The following GPBP1 variants were observed in gnomAD, a reference collection of about 807,000 sequenced individuals.
GPBP1 encodes vasculin.
In GPBP1, 13 loss-of-function variants were observed where a neutral mutation model predicts 56.5. That is an observed-to-expected ratio of 0.23 (90% CI 0.15 to 0.37). The LOEUF is 0.37. Among genes scored for constraint, GPBP1 ranks in the 10% least tolerant of loss-of-function variants. The probability of loss-of-function intolerance (pLI) is 1.00; values close to 1 mark genes in which losing one functional copy is unlikely to be tolerated. For synonymous variants in GPBP1, 204 were observed against 188.9 expected (o/e 1.08, Z -0.66); for missense variants, 477 against 572.3 (o/e 0.83, Z 1.70).
intron 6 of GPBP1, among the ~76,000 whole-genome samples, chr5:57,238,414 C>T (rs1265877486): frequency 2.6e-5 from 4 of 152,006 alleles, no homozygotes; most frequent in Admixed American, 6.6e-5. Context: ...AAGAATTAGC[C>T]GGGTGTGGTG....
intron 2 of GPBP1, among the ~76,000 whole-genome samples, chr5:57,199,157 A>G (rs1461335179): frequency 6.6e-6 from 1 of 152,202 alleles, no homozygotes; most frequent in Admixed American, 6.5e-5. Context: ...CACAATATTT[A>G]TGTTCTTTTA....
chr5:57,196,210 C>T (rs1332765949), intron 2 of GPBP1, among the ~76,000 whole-genome samples: 3 of 151,716 alleles, frequency 2.0e-5, no homozygotes, highest in East Asian at 1.9e-4. Flanking sequence ...TCTTTTTGGC[C>T]AGGCTGGTCT....
chr5:57,178,035 G>C (rs1301788623), intron 2 of GPBP1, among the ~76,000 whole-genome samples: 1 of 152,066 alleles, frequency 6.6e-6, no homozygotes, highest in African/African-American at 2.4e-5. Flanking sequence ...TGTCAGACCT[G>C]TGTGTAGTAA....
At chr5:57,237,486 G>T in intron 6 of GPBP1, 2 of 269,192 alleles carry the variant, frequency 7.4e-6, no homozygotes, top group Non-Finnish European at 1.4e-5. Context: ...TTGGTCTAAG[G>T]ATTTTGAGTA....
At chr5:57,183,623 C>T (rs1306608265) in intron 2 of GPBP1, among the ~76,000 whole-genome samples, 3 of 151,920 alleles carry the variant, frequency 2.0e-5, no homozygotes, top group Admixed American at 2.0e-4. Context: ...AGCCTATGCA[C>T]CAAACAAGAA....
intron 2 of GPBP1, among the ~76,000 whole-genome samples, chr5:57,212,672 CTTT>C (rs550327781): frequency 1.4e-5 from 2 of 139,732 alleles, no homozygotes; most frequent in African/African-American, 2.6e-5. Context: ...TTCTTTTTTT[CTTT>C]TTTTTTTTTT....
chr5:57,224,612 A>T (rs903695937), intron 3 of GPBP1, among the ~76,000 whole-genome samples: 1 of 151,918 alleles, frequency 6.6e-6, no homozygotes, highest in Non-Finnish European at 1.5e-5. Flanking sequence ...TGCCCAGCTA[A>T]TTTTTTTGTA....
Position 57,214,084 on chromosome 5 carries a change from T to G in GPBP1, c.-47T>G. ...ATTTTTATGTGACAGGGACTTGCCA[T>G]GAGGTGTTGAAGCCTTGTTTCACTG... On this transcript the variant is annotated 5_prime_UTR_variant, in exon 3 of 12. The change abolishes an upstream ATG in the 5' untranslated region. Transcript: ENST00000506184. 2.8e-5 allele frequency: 42 copies of G among 1,493,816 alleles called. No homozygotes were observed. The highest frequency in any genetic ancestry group is 1.7e-4 in the Middle Eastern group (1 of 5,830). The allele number at this position is 1,493,816 out of a possible 1,614,324, so 92.5% of individuals were successfully genotyped here.
In GPBP1 at chr5:57,251,159, C is replaced by A; in HGVS notation, c.1160+18C>A. Reference sequence around the variant, plus strand: ...GAACACAGGCTAGTATTTGTTTGTACTTTTTGCTCAGCATTTTCTGTATTC... The same window carrying A: ...GAACACAGGCTAGTATTTGTTTGTAATTTTTGCTCAGCATTTTCTGTATTC... On this transcript the variant is annotated intron_variant, in intron 10 of 11. Coordinates refer to ENST00000506184, the MANE Select transcript of GPBP1 (RefSeq NM_022913.4). 6.4e-7 allele frequency: 1 copy of A among 1,557,156 alleles called. No homozygotes were observed. Among genetic ancestry groups the A allele is most frequent in the South Asian group, 1.2e-5 (1 of 83,438 alleles).
intron 2 of GPBP1, among the ~76,000 whole-genome samples, chr5:57,178,872 T>G (rs1030071703): frequency 1.3e-4 from 20 of 152,070 alleles, no homozygotes; most frequent in Admixed American, 1.2e-3. Flanking sequence ...TGCTTTTTTG[T>G]CCCTTTCTAA....
At chr5:57,180,996 C>G (rs1447073308) in intron 2 of GPBP1, among the ~76,000 whole-genome samples, 2 of 152,074 alleles carry the variant, frequency 1.3e-5, no homozygotes, top group African/African-American at 4.8e-5. Flanking sequence ...CCCACCTCAA[C>G]AAATTTAAAT....
chr5:57,185,283 CAG>C (rs1161947308), intron 2 of GPBP1, among the ~76,000 whole-genome samples: 1 of 137,954 alleles, frequency 7.2e-6, no homozygotes, highest in South Asian at 2.3e-4. Context: ...TTTTTAAAGA[CAG>C]AGTTTTGCTG....
At chr5:57,204,134 C>A (rs544727029) in intron 2 of GPBP1, among the ~76,000 whole-genome samples, 2 of 152,156 alleles carry the variant, frequency 1.3e-5, no homozygotes, top group Non-Finnish European at 2.9e-5. Flanking sequence ...AATAAAGTTT[C>A]GTTAATTATG....
rs1489068492 is a variant in GPBP1, at chr5:57,237,320, G to T, written c.478+1288G>T. 8 of 655,774 alleles carry T rather than the reference G, an allele frequency of 1.2e-5. No individual in the cohort carries two copies. The East Asian group carries it at 2.2e-4, about 18-fold the overall frequency. 40.6% of individuals were successfully genotyped at this position (655,774 alleles called of 1,614,324 possible). On this transcript the variant is annotated intron_variant, in intron 6 of 11. Transcript: ENST00000506184. ...AAAGTTTTAAAAATCAAGAATGCCA[G>T]TGAGCGTTTGTCATATAAAACTATC...
At chr5:57,227,693 C>T (rs1022806094) in intron 3 of GPBP1, among the ~76,000 whole-genome samples, 8 of 152,032 alleles carry the variant, frequency 5.3e-5, no homozygotes, top group Non-Finnish European at 4.4e-5. Flanking sequence ...TCTTAGGGGG[C>T]TGTACAGAAC....
chr5:57,232,968 G>A (rs1756523079), intron 5 of GPBP1, among the ~76,000 whole-genome samples: 1 of 152,196 alleles, frequency 6.6e-6, no homozygotes, highest in African/African-American at 2.4e-5. Context: ...GTTAGAGAGA[G>A]AGGAAAGGAT....
Position 57,247,329 on chromosome 5 carries a change from T to G in GPBP1, c.804+114T>G, listed in dbSNP as rs77873463. On this transcript the variant is annotated intron_variant, in intron 8 of 11. Transcript: ENST00000506184. Reference sequence around the variant, plus strand: ...ATACATTAAAATGAGTTTCATTCCTTCAGAAAACTGGATTCATTTACTTCA... The same window carrying G: ...ATACATTAAAATGAGTTTCATTCCTGCAGAAAACTGGATTCATTTACTTCA... 4.6e-6 allele frequency: 4 copies of G among 870,408 alleles called. No homozygotes were observed. In the East Asian group the frequency reaches 9.0e-5, roughly 20 times the overall value. The allele number at this position is 870,408 out of a possible 1,614,324, so 53.9% of individuals were successfully genotyped here. A position where few individuals can be genotyped will look rare whatever the true frequency, so the allele number is the denominator to read the frequency against.
intron 2 of GPBP1, among the ~76,000 whole-genome samples, chr5:57,190,489 C>T (rs553979687): frequency 2.6e-4 from 40 of 151,338 alleles, no homozygotes; most frequent in East Asian, 7.9e-4. Flanking sequence ...GAGGCTGAGG[C>T]GGGAGAACCA....
chr5:57,187,001 G>GCT (rs1246028551), intron 2 of GPBP1, among the ~76,000 whole-genome samples: 1 of 130,770 alleles, frequency 7.6e-6, no homozygotes, highest in Admixed American at 8.2e-5. Flanking sequence ...TGGACTCAGA[G>GCT]AAGTGTGTGT....
Sources: gnomAD v4.1 joint callset for allele counts (sites outside exome capture counted in the v4.1 genomes callset) on GRCh38, gnomAD v4.1.1 for gene constraint, MANE v1.5 for transcripts, NCBI Gene and HGNC (gene_info 2026-07-23, HGNC 2026-07-21) for gene names.